DNAJC1: variants seen among roughly 807,000 people sequenced by gnomAD.
DNAJC1 encodes dnaJ homolog subfamily C member 1.
Under a neutral mutation model 76.6 loss-of-function variants are expected in DNAJC1, and 58 were observed. The ratio of observed to expected loss-of-function variants is 0.76; its 90% CI spans 0.61 to 0.94. The LOEUF is 0.94. DNAJC1 is among the 40% of genes least tolerant of loss of function. DNAJC1 has a pLI of 0.00. For synonymous variants in DNAJC1, 258 were observed against 267.9 expected (o/e 0.96, Z 0.36); for missense variants, 689 against 677.3 (o/e 1.02, Z -0.19).
At chr10:21,803,619 GTGTGTA>G (rs1265117038) in intron 9 of DNAJC1, among the ~76,000 whole-genome samples, 1 of 150,848 alleles carries the variant, frequency 6.6e-6, no homozygotes, top group African/African-American at 2.4e-5. Context: ...GTGTGTGTGT[GTGTGTA>G]TGTATGTGTG....
At chr10:21,914,811 T>C (rs536752311) in intron 6 of DNAJC1, among the ~76,000 whole-genome samples, 2 of 152,342 alleles carry the variant, frequency 1.3e-5, no homozygotes, top group African/African-American at 4.8e-5. Context: ...AAGTGGGCAC[T>C]TAACTGTTAA....
intron 1 of DNAJC1, among the ~76,000 whole-genome samples, chr10:21,988,153 C>T (rs778902075): frequency 6.6e-6 from 1 of 152,156 alleles, no homozygotes; most frequent in East Asian, 1.9e-4. Flanking sequence ...ACATGAAAAG[C>T]AGGCTTTATT....
At chr10:21,962,223 TTTTG>T (rs1837806032) in intron 1 of DNAJC1, among the ~76,000 whole-genome samples, 1 of 152,122 alleles carries the variant, frequency 6.6e-6, no homozygotes, top group African/African-American at 2.4e-5. Flanking sequence ...ATTTTGTCTG[TTTTG>T]TTTAATGCTG....
chr10:21,945,285 T>C (rs533380785), intron 1 of DNAJC1, among the ~76,000 whole-genome samples: 1 of 152,280 alleles, frequency 6.6e-6, no homozygotes, highest in East Asian at 1.9e-4. Flanking sequence ...GCTAGAGTAA[T>C]GGGTACAGAT....
intron 8 of DNAJC1, among the ~76,000 whole-genome samples, chr10:21,808,774 C>T (rs1429624751): frequency 6.6e-6 from 1 of 152,182 alleles, no homozygotes; most frequent in Non-Finnish European, 1.5e-5. Context: ...TACTGCTTTG[C>T]CACTTAAAAC....
At chr10:21,977,601 C>T (rs1385300543) in intron 1 of DNAJC1, among the ~76,000 whole-genome samples, 1 of 152,096 alleles carries the variant, frequency 6.6e-6, no homozygotes, top group East Asian at 1.9e-4. Flanking sequence ...AGAATTGATT[C>T]CCAGTGCAGG....
intron 8 of DNAJC1, among the ~76,000 whole-genome samples, chr10:21,867,835 G>A (rs1349998212): frequency 6.6e-6 from 1 of 151,942 alleles, no homozygotes; most frequent in Non-Finnish European, 1.5e-5. Flanking sequence ...ACTTTGGGAG[G>A]CCGAGGCGGG....
chr10:21,813,218 C>CTATATATA (rs1387541271), intron 8 of DNAJC1, among the ~76,000 whole-genome samples: 10 of 29,634 alleles, frequency 3.4e-4, no homozygotes, highest in South Asian at 1.5e-3. Context: ...CTCTCTCTCT[C>CTATATATA]TCTATATATA....
intron 9 of DNAJC1, among the ~76,000 whole-genome samples, chr10:21,788,252 G>A (rs1173248894): frequency 6.6e-6 from 1 of 152,250 alleles, no homozygotes; most frequent in Non-Finnish European, 1.5e-5. Flanking sequence ...TGCCTCCGCT[G>A]GAAAGAGGGC....
At chr10:21,791,123 AAG>A (rs1441765182) in intron 9 of DNAJC1, among the ~76,000 whole-genome samples, 1 of 152,194 alleles carries the variant, frequency 6.6e-6, no homozygotes, top group East Asian at 1.9e-4. Flanking sequence ...AAGCTGCAAA[AAG>A]AGACAAAAAA....
At chr10:21,967,794 G>A (rs1417608991) in intron 1 of DNAJC1, among the ~76,000 whole-genome samples, 1 of 152,102 alleles carries the variant, frequency 6.6e-6, no homozygotes, top group Non-Finnish European at 1.5e-5. Context: ...CAGTACACAA[G>A]AAGAGGACAC....
chr10:21,928,590 C>T (rs760586771), intron 2 of DNAJC1, 38 bp from the exon 3 acceptor site: 4 of 1,541,292 alleles, frequency 2.6e-6, no homozygotes, highest in Admixed American at 3.3e-5. Flanking sequence ...AAAATACTCT[C>T]AACTATAAGA....
chr10:21,999,449 C>CT (rs1838477955), intron 1 of DNAJC1, among the ~76,000 whole-genome samples: 2 of 97,736 alleles, frequency 2.0e-5, no homozygotes, highest in East Asian at 3.4e-4. Context: ...ATCTTCTTGA[C>CT]TCTTTTTTTT....
At chr10:21,868,698 A>G (rs1564812564) in intron 8 of DNAJC1, among the ~76,000 whole-genome samples, 1 of 152,028 alleles carries the variant, frequency 6.6e-6, no homozygotes, top group Non-Finnish European at 1.5e-5. Context: ...TGAGTAGGGG[A>G]TAGGTATGTA....
intron 1 of DNAJC1, among the ~76,000 whole-genome samples, chr10:21,930,207 C>T (rs1469201457): frequency 2.0e-5 from 3 of 152,196 alleles, no homozygotes; most frequent in Non-Finnish European, 4.4e-5. Context: ...AACTCCTGAC[C>T]TCAAGTGATC....
intron 6 of DNAJC1, among the ~76,000 whole-genome samples, chr10:21,912,704 T>C (rs1218166126): frequency 2.0e-5 from 3 of 152,162 alleles, no homozygotes; most frequent in Non-Finnish European, 4.4e-5. Context: ...TAACTCTAAG[T>C]AGAAGGGCAG....
chr10:21,759,489 T>TG lies in DNAJC1; in HGVS notation c.1276dup (p.Gln426ProfsTer7), dbSNP rs1396809540. ...CTCCTGCTCACCGGAGTCTCCCTCC[T>TG]GCTCCTCCTCCGCTGCCACCCCCTC... On this transcript the variant is annotated frameshift_variant, in exon 11 of 12. Coordinates refer to ENST00000376980, the MANE Select transcript of DNAJC1 (RefSeq NM_022365.4). LOFTEE classifies it high-confidence loss of function. The TG allele has an allele frequency of 6.2e-7, 1 of 1,614,212 alleles. No individual in the cohort carries two copies. Among genetic ancestry groups the TG allele is most frequent in the Non-Finnish European group, 8.5e-7 (1 of 1,180,044 alleles).
chr10:21,969,223 C>CAAAAA (rs561143181), intron 1 of DNAJC1, among the ~76,000 whole-genome samples: 1 of 87,066 alleles, frequency 1.1e-5, no homozygotes, highest in Non-Finnish European at 2.3e-5. Context: ...GACTCCATTT[C>CAAAAA]AAAAAAAAAA....
At chr10:21,942,144 A>T (rs1400704986) in intron 1 of DNAJC1, among the ~76,000 whole-genome samples, 1 of 152,214 alleles carries the variant, frequency 6.6e-6, no homozygotes, top group Non-Finnish European at 1.5e-5. Context: ...GAAAACACAG[A>T]TGAAGAAAAA....
Sources: gnomAD v4.1 joint callset for allele counts (sites outside exome capture counted in the v4.1 genomes callset) on GRCh38, gnomAD v4.1.1 for gene constraint, MANE v1.5 for transcripts, NCBI Gene and HGNC (gene_info 2026-07-23, HGNC 2026-07-21) for gene names.